Variants in HSPG2 observed in about 807,000 individuals in gnomAD.
HSPG2 encodes heparan sulfate proteoglycan 2, also known as basement membrane-specific heparan sulfate proteoglycan core protein.
A neutral mutation model predicts 526.6 loss-of-function variants in HSPG2; 278 were observed. That is an observed-to-expected ratio of 0.53 (90% CI 0.48 to 0.58). The LOEUF is 0.58. Among genes scored for constraint, HSPG2 ranks in the 20% least tolerant of loss-of-function variants. The pLI, the probability that HSPG2 is intolerant of heterozygous loss-of-function variation, is 0.00. For synonymous variants in HSPG2, 2,465 were observed against 2,555.4 expected (o/e 0.96, Z 1.07); for missense variants, 5,354 against 6,099.5 (o/e 0.88, Z 4.07).
At chr1:21,922,925 G>A (rs750433959) in intron 1 of HSPG2, among the ~76,000 whole-genome samples, 2 of 152,010 alleles carry the variant, frequency 1.3e-5, no homozygotes, top group Non-Finnish European at 2.9e-5. Context: ...TCCTCAAGTC[G>A]AATCCAGGCT....
chr1:21,831,306 C>T lies in HSPG2; in HGVS notation c.11471G>A (p.Arg3824His), dbSNP rs769320598. Residue 3824 changes from arginine (R) to histidine (H), a missense_variant, in exon 84 of 97, where the codon CGC (arginine) becomes CAC (histidine). Coordinates refer to ENST00000374695, the MANE Select transcript of HSPG2 (RefSeq NM_005529.7). Reference sequence around the variant, plus strand: ...GAAGACGATCTCCTCGCCCTGGATGCGCAGCTCCCGGACACAGCCTGGGAG... The same window carrying T: ...GAAGACGATCTCCTCGCCCTGGATGTGCAGCTCCCGGACACAGCCTGGGAG... ...SGFIGCVREL[R>H]IQGEEIVFHD... is the part of the protein sequence containing the mutation. The T allele has an allele frequency of 2.1e-5, 34 of 1,613,874 alleles. No homozygotes were observed. The highest frequency in any genetic ancestry group is 1.4e-4 in the South Asian group (13 of 91,084).
At position 21,851,620 on chromosome 1, in the gene HSPG2, A is replaced by G. The variant is rs1450961229; in HGVS notation, c.7084T>C (p.Cys2362Arg). ...GCATGGGACTGCCCGGGCACCACGC[A>G]GTTCAGATCCAGGGTCTGCCCTTCC... ...VAEGQTLDLNCVVPGQSHAQV... is the reference protein window; with the variant it reads ...VAEGQTLDLNRVVPGQSHAQV... The change falls in exon 55 of 97, where the codon TGC becomes CGC. Residue 2362 changes from cysteine (C) to arginine (R), a missense_variant. Physicochemically the swap from Cys to Arg is radical, Grantham distance 180 (BLOSUM62 -3). Coordinates refer to ENST00000374695, the MANE Select transcript of HSPG2 (RefSeq NM_005529.7). 6.2e-6 allele frequency: 10 copies of G among 1,613,862 alleles called. No homozygotes were observed. Among genetic ancestry groups the G allele is most frequent in the Non-Finnish European group, 8.5e-6 (10 of 1,180,032 alleles).
At position 21,854,078 on chromosome 1, in the gene HSPG2, G is replaced by C; in HGVS notation, c.6439+115C>G. 6 of 1,190,912 alleles carry C rather than the reference G, an allele frequency of 5.0e-6. No individual in the cohort carries two copies. In the East Asian group the frequency reaches 1.5e-4, roughly 31 times the overall value. 73.8% of individuals were successfully genotyped at this position (1,190,912 alleles called of 1,614,324 possible). ...CTTCTCTCTCTGAGCAGGCGCTGAA[G>C]GGTCAAAGCCTGCCTGGAATGCCCC... On this transcript the variant is annotated intron_variant, in intron 50 of 96. Coordinates refer to ENST00000374695, the MANE Select transcript of HSPG2 (RefSeq NM_005529.7).
rs2097962168 is a variant in HSPG2, at chr1:21,824,292, G to A, written c.12815+14C>T. 1 of 1,613,716 alleles carries A rather than the reference G, an allele frequency of 6.2e-7. No individual in the cohort carries two copies. The highest frequency in any genetic ancestry group is 1.7e-5 in the Admixed American group (1 of 60,010). ...CCAGGGAAGGGAGAGGAAGGGCCAG[G>A]TGCCAGGACCTACCTGAAGACAAGG... On this transcript the variant is annotated intron_variant, in intron 94 of 96. Transcript: ENST00000374695. This position sits in a 1 kb window ranked among gnomAD's most constrained non-coding sequence, Gnocchi z 5.9.
intron 16 of HSPG2, 21 bp from the exon 17 acceptor site, chr1:21,880,275 G>A: frequency 1.2e-6 from 2 of 1,614,164 alleles, no homozygotes; most frequent in South Asian, 2.2e-5. Context: ...AGGACCAAAA[G>A]AGTCGCTGCA....
At chr1:21,850,552 T>A in intron 55 of HSPG2, 54 bp from the exon 56 acceptor site, 1 of 1,521,420 alleles carries the variant, frequency 6.6e-7, no homozygotes, top group East Asian at 2.4e-5. Context: ...CCTGTTCCTA[T>A]AACCTGCAAC....
intron 66 of HSPG2, 96 bp downstream of exon 66, chr1:21,843,201 A>C: frequency 6.4e-7 from 1 of 1,565,132 alleles, no homozygotes; most frequent in South Asian, 1.1e-5. Context: ...CCTGCAGGCA[A>C]CAATAAGTGC....
At chr1:21,860,783 C>G (rs912171555) in intron 39 of HSPG2, among the ~76,000 whole-genome samples, 2 of 152,160 alleles carry the variant, frequency 1.3e-5, no homozygotes, top group Admixed American at 6.5e-5. Flanking sequence ...CCACGCCTGG[C>G]CAGCAAATGT....
At chr1:21,846,348 G>A in intron 63 of HSPG2, 93 bp from the exon 64 acceptor site, 1 of 1,606,818 alleles carries the variant, frequency 6.2e-7, no homozygotes, top group Non-Finnish European at 8.5e-7. Flanking sequence ...ACACAGGGGG[G>A]TACTGCACCC....
In HSPG2 at chr1:21,824,262, T is replaced by A; in HGVS notation, c.12815+44A>T. ...GGGGCAGGACCGGGGGGTGGGGTGC[T>A]GGGACCAGGGAAGGGAGAGGAAGGG... On this transcript the variant is annotated intron_variant, in intron 94 of 96. Coordinates refer to ENST00000374695, the MANE Select transcript of HSPG2 (RefSeq NM_005529.7). This position sits in a 1 kb window ranked among gnomAD's most constrained non-coding sequence, Gnocchi z 5.9. The A allele has an allele frequency of 6.2e-7, 1 of 1,613,282 alleles. No homozygotes were observed. Among genetic ancestry groups the A allele is most frequent in the Non-Finnish European group, 8.5e-7 (1 of 1,179,480 alleles).
chr1:21,875,041 C>T, intron 25 of HSPG2, 39 bp from the exon 26 acceptor site: 1 of 1,457,930 alleles, frequency 6.9e-7, no homozygotes, highest in Non-Finnish European at 9.5e-7. Context: ...GGAGTGCTGG[C>T]TCTGTGCCAG....
Position 21,848,295 on chromosome 1 carries a change from C to G in HSPG2, c.7738-202G>C, listed in dbSNP as rs1209531060. ...GCCTTTTGTCACCCCTCCAGAAAGC[C>G]TGTTAAGGCCCTCCGGAGTGTTGAC... On this transcript the variant is annotated intron_variant, in intron 59 of 96. Transcript: ENST00000374695. This position sits in a 1 kb window ranked among gnomAD's most constrained non-coding sequence, Gnocchi z 4.9. Among the ~76,000 whole-genome samples, 2 of 152,156 alleles carry G rather than the reference C, an allele frequency of 1.3e-5. No homozygotes were observed. Among genetic ancestry groups the G allele is most frequent in the Non-Finnish European group, 2.9e-5 (2 of 68,028 alleles).
rs759478340 is a variant in HSPG2, at chr1:21,890,614, G to A, written c.325C>T (p.Arg109Ter). Residue 109 changes from arginine (R) to a stop codon, truncating the protein, a stop_gained, in exon 4 of 97, where the codon CGA (arginine) becomes TGA (stop). Coordinates refer to ENST00000374695, the MANE Select transcript of HSPG2 (RefSeq NM_005529.7). LOFTEE classifies it high-confidence loss of function. The surrounding 1 kb of genome is among the most constrained non-coding windows in gnomAD (Gnocchi z 4.1). ...TCTACCACAGCCTCGGACACCTCTCGGAACTCTCTGGAGCCTGCATCCTCC... is the reference window on the plus strand; with the variant it reads ...TCTACCACAGCCTCGGACACCTCTCAGAACTCTCTGGAGCCTGCATCCTCC... ...QLEDAGSREF[R>*]EVSEAVVDTL... is the part of the protein sequence containing the mutation. 4 of 1,613,710 alleles carry A rather than the reference G, an allele frequency of 2.5e-6. No homozygotes were observed. The highest frequency in any genetic ancestry group is 1.7e-5 in the Admixed American group (1 of 60,010).
chr1:21,891,826 G>A (rs1572384229), intron 3 of HSPG2, among the ~76,000 whole-genome samples: 1 of 152,132 alleles, frequency 6.6e-6, no homozygotes, highest in African/African-American at 2.4e-5. Flanking sequence ...GCCCAGGCTG[G>A]TCTCAAACTC....
In HSPG2 at chr1:21,822,921, C is replaced by T. The variant is rs966393131; in HGVS notation, c.*395G>A. ...GCCCGTCTCAGGTAGCTGTGGGGCA[C>T]CAGCCCACAAGCCGAGGTTGGCTCT... On this transcript the variant is annotated 3_prime_UTR_variant, in exon 97 of 97. Transcript: ENST00000374695. 1.2e-4 allele frequency: 21 copies of T among 175,998 alleles called. No individual in the cohort carries two copies. The highest frequency in any genetic ancestry group is 1.7e-4 in the Non-Finnish European group (14 of 83,372). 10.9% of individuals were successfully genotyped at this position (175,998 alleles called of 1,614,324 possible). A position where few individuals can be genotyped will look rare whatever the true frequency, so the allele number is the denominator to read the frequency against.
At chr1:21,878,339 G>A (rs956288289) in intron 20 of HSPG2, 86 bp from the exon 21 acceptor site, 3 of 1,568,178 alleles carry the variant, frequency 1.9e-6, no homozygotes, top group South Asian at 1.1e-5. Flanking sequence ...GCTCCCCAAG[G>A]TTCATGAGCT....
At chr1:21,888,107 G>A in intron 6 of HSPG2, 41 bp from the exon 7 acceptor site, 1 of 1,612,070 alleles carries the variant, frequency 6.2e-7, no homozygotes, top group Non-Finnish European at 8.5e-7. Context: ...AGAGGCGGCA[G>A]GAGGCAGGTG....
Position 21,843,505 on chromosome 1 carries a change from C to T in HSPG2, c.8617-67G>A, listed in dbSNP as rs1436620817. On this transcript the variant is annotated intron_variant, in intron 65 of 96. Coordinates refer to ENST00000374695, the MANE Select transcript of HSPG2 (RefSeq NM_005529.7). ...CCTTCAGATGCCCAGGCCTCTGGTA[C>T]CCACACCCTGGGACTGCCATGCACA... 7.8e-6 allele frequency: 12 copies of T among 1,534,742 alleles called. No individual in the cohort carries two copies. The Admixed American group carries it at 2.0e-4, about 26-fold the overall frequency.
chr1:21,835,657 A>T lies in HSPG2; in HGVS notation c.10356-20T>A, dbSNP rs1426933564. 8 of 1,578,752 alleles carry T rather than the reference A, an allele frequency of 5.1e-6. No homozygotes were observed. The African/African-American group carries it at 9.4e-5, about 19-fold the overall frequency. On this transcript the variant is annotated intron_variant, in intron 75 of 96. Coordinates refer to ENST00000374695, the MANE Select transcript of HSPG2 (RefSeq NM_005529.7). The stretch of plus-strand genomic sequence containing the variant: ...TGGATTCTATAAAGAAAAAATAATA[A>T]GACATCAGGGAGTTGAAAACAACTG...
Sources: allele counts gnomAD v4.1 joint callset (sites outside exome capture counted in the v4.1 genomes callset), GRCh38; gene constraint gnomAD v4.1.1; non-coding constraint Gnocchi (gnomAD v3.1); transcripts MANE v1.5; gene names NCBI Gene and HGNC (gene_info 2026-07-23, HGNC 2026-07-21).